GPRC5D: variants seen among roughly 807,000 people sequenced by gnomAD.
GPRC5D encodes G protein-coupled receptor class C group 5 member D.
In GPRC5D, 20 loss-of-function variants were observed where a neutral mutation model predicts 29.3. The observed-to-expected ratio is 0.68, with a 90% CI of 0.48 to 0.99. The LOEUF (loss-of-function observed/expected upper bound fraction) is 0.99, where lower values mean the gene tolerates loss of function less well. Ranked by LOEUF, GPRC5D falls within the 50% of genes least tolerant of loss-of-function variation. The pLI, the probability that GPRC5D is intolerant of heterozygous loss-of-function variation, is 0.00. For missense variants in GPRC5D, 384 were observed against 423.6 expected (o/e 0.91, Z 0.82); for synonymous variants, 178 against 171.3 (o/e 1.04, Z -0.30).
At chr12:12,950,240 G>C (rs763009543) in exon 1 of GPRC5D, 3 of 1,613,890 alleles carry the variant, frequency 1.9e-6, no homozygotes, top group African/African-American at 1.3e-5. Flanking sequence ...TGGATCTTTC[G>C]CATGAGGAAG....
At chr12:12,940,700 G>T, downstream of GPRC5D, 2 of 823,344 alleles carry the variant, frequency 2.4e-6, no homozygotes, top group South Asian at 1.4e-5. Flanking sequence ...TGACTCTGTG[G>T]GCCCCCGTGG....
rs1382373998 is a variant in GPRC5D, at chr12:12,944,864, TC to T, written c.896-2537del. ...TTCCTTCCTTCCTTCTTTCTTTCTT[TC>T]TTTCTTTCTTTCTTTCTTTCTTTCT... is the stretch of plus-strand genomic sequence containing the variant. On this transcript the variant is annotated intron_variant, in intron 1 of 2. Transcript: ENST00000228887. Among the ~76,000 whole-genome samples, 3 of 103,888 alleles carry T rather than the reference TC, an allele frequency of 2.9e-5. 1 individual carries two copies. The highest frequency in any genetic ancestry group is 4.1e-5 in the Non-Finnish European group (2 of 48,718). 68.2% of individuals were successfully genotyped at this position (103,888 alleles called of 152,430 possible). A position where few individuals can be genotyped will look rare whatever the true frequency, so the allele number is the denominator to read the frequency against.
At position 12,950,010 on chromosome 12, in the gene GPRC5D, G is replaced by C. The variant is rs577935641; in HGVS notation, c.375C>G (p.Ser125=). ...TAGCAATGCACAGAATTGTCGTCCA[G>C]GAGAAGGAGACACAACCCCGAACCA... Residue 125 remains serine, a synonymous_variant, in exon 1 of 3, where the codon TCC becomes TCG. Transcript: ENST00000228887. The C allele has an allele frequency of 8.1e-6, 13 of 1,614,184 alleles. No individual in the cohort carries two copies. The African/African-American group carries it at 1.6e-4, about 20-fold the overall frequency.
At chr12:12,946,267 TCTTCCTTCCTTCCTTCCTTCCTTTCTTC>T (rs1325250860) in intron 1 of GPRC5D, among the ~76,000 whole-genome samples, 42 of 93,848 alleles carry the variant, frequency 4.5e-4, no homozygotes, top group African/African-American at 1.7e-3. Flanking sequence ...TTCTTTCCTT[TCTTCCTTCCTTCCTTCCTTCCTTTCTTC>T]CTTCCTTCCT....
chr12:12,950,414 A>G (rs1213398117), upstream of GPRC5D: 1 of 1,498,094 alleles, frequency 6.7e-7, no homozygotes, highest in Admixed American at 2.0e-5. Context: ...CCTCACCAGA[A>G]TGGTTTTCTG....
intron 1 of GPRC5D, among the ~76,000 whole-genome samples, chr12:12,944,881 CTT>C (rs1277699214): frequency 8.0e-6 from 1 of 125,532 alleles, no homozygotes; most frequent in Non-Finnish European, 1.7e-5. Context: ...TTCTTTCTTT[CTT>C]TCTTTCTTTC....
chr12:12,949,661 C>G, exon 1 of GPRC5D: 1 of 1,614,154 alleles, frequency 6.2e-7, no homozygotes. Context: ...GCAATGCAGA[C>G]GACCGGGTCG....
rs1314149256 is a variant in GPRC5D at position 12,944,925 on chromosome 12, C to CT, written c.896-2598dup. ...TCTTTCTCTCCCTTTCTTTCCCTTT[C>CT]TTCCTTTTCTTCCCTTTCTTTCCTT... On this transcript the variant is annotated intron_variant, in intron 1 of 2. Coordinates refer to ENST00000228887, the Ensembl canonical transcript of GPRC5D. 1.1e-3 allele frequency among the ~76,000 whole-genome samples: 89 copies of CT among 79,798 alleles called. 6 individuals carry two copies. The highest frequency in any genetic ancestry group is 3.7e-3 in the South Asian group (6 of 1,600). 52.4% of individuals were successfully genotyped at this position (79,798 alleles called of 152,430 possible).
intron 2 of GPRC5D, 74 bp from the exon 4 acceptor site, chr12:12,940,923 GT>G: frequency 1.9e-6 from 2 of 1,047,556 alleles, no homozygotes; most frequent in Non-Finnish European, 1.5e-6. Context: ...TTATGTTTTT[GT>G]TTTTTGAGAC....
chr12:12,940,833 T>A lies in GPRC5D; in HGVS notation c.980A>T (p.Gln327Leu), dbSNP rs759133064. The change falls in exon 3 of 3, where the codon CAA becomes CTA. Residue 327 changes from glutamine (Q) to leucine (L), a missense_variant. Physicochemically the swap from Gln to Leu is moderately radical, Grantham distance 113 (BLOSUM62 -2). Coordinates refer to ENST00000228887, the Ensembl canonical transcript of GPRC5D. The stretch of plus-strand genomic sequence containing the variant: ...TTTAGCCTGTGGGATGAAACACTCT[T>A]GTGTGGGATCAACAGTCTGGAAAGG... The A allele has an allele frequency of 3.1e-6, 5 of 1,601,630 alleles. No homozygotes were observed. The Admixed American group carries it at 8.3e-5, about 27-fold the overall frequency.
Position 12,940,863 on chromosome 12 carries a change from A to G in GPRC5D, c.964-14T>C. The G allele has an allele frequency of 6.5e-7, 1 of 1,533,460 alleles. No homozygotes were observed. The highest frequency in any genetic ancestry group is 1.1e-5 in the South Asian group (1 of 89,454). 95.0% of individuals were successfully genotyped at this position (1,533,460 alleles called of 1,614,324 possible). A position where few individuals can be genotyped will look rare whatever the true frequency, so the allele number is the denominator to read the frequency against. On this transcript the variant is annotated splice_polypyrimidine_tract_variant and intron_variant, in intron 2 of 2. Transcript: ENST00000228887. The stretch of plus-strand genomic sequence containing the variant: ...GGGATCAACAGTCTGGAAAGGAAGA[A>G]ATGCCATCATCAACTTTCTGAGCAA...
chr12:12,948,476 A>G (rs1423984180), intron 1 of GPRC5D: 3 of 154,400 alleles, frequency 1.9e-5, no homozygotes, highest in African/African-American at 7.2e-5. Context: ...CTTAAAAGGA[A>G]GCTTATGTGA....
chr12:12,943,121 A>G (rs1314259559), intron 1 of GPRC5D, among the ~76,000 whole-genome samples: 4 of 152,212 alleles, frequency 2.6e-5, no homozygotes, highest in African/African-American at 9.6e-5. Context: ...AAAATTGGGC[A>G]TAATAAAAGA....
intron 1 of GPRC5D, among the ~76,000 whole-genome samples, chr12:12,944,850 C>CTTCCTTCCTTCCTTCTTTCT (rs1565477444): frequency 5.8e-5 from 2 of 34,472 alleles, no homozygotes; most frequent in Admixed American, 3.8e-4. Flanking sequence ...TCCTTCCTTC[C>CTTCCTTCCTTCCTTCTTTCT]TTCTTTCTTT....
chr12:12,944,298 CCTTGA>C (rs1377104432), intron 1 of GPRC5D: 1 of 152,192 alleles, frequency 6.6e-6, no homozygotes, highest in Non-Finnish European at 1.5e-5. Flanking sequence ...ATGACACCAT[CCTTGA>C]CTTATCTGTC....
At chr12:12,941,869 T>A (rs904032571) in intron 2 of GPRC5D, among the ~76,000 whole-genome samples, 1 of 152,146 alleles carries the variant, frequency 6.6e-6, no homozygotes, top group African/African-American at 2.4e-5. Flanking sequence ...GCTCAGGTGA[T>A]AGGTTCAGAC....
rs768574348 is a variant in GPRC5D at position 12,942,318 on chromosome 12, A to G, written c.906T>C (p.Ser302=). The change falls in exon 2 of 3, where the codon AGT becomes AGC. Residue 302 remains serine, a synonymous_variant. Transcript: ENST00000228887. ...ATGCTACATCCTCCTCAGCTCCATCACTGTCTCGGGCTGAAAGCCAAAGGA... is the reference window on the plus strand; with the variant it reads ...ATGCTACATCCTCCTCAGCTCCATCGCTGTCTCGGGCTGAAAGCCAAAGGA... The G allele has an allele frequency of 2.9e-5, 46 of 1,611,896 alleles. No homozygotes were observed. The East Asian group carries it at 9.4e-4, about 33-fold the overall frequency.
chr12:12,944,830 C>CT (rs1207377523), intron 1 of GPRC5D, among the ~76,000 whole-genome samples: 231 of 20,266 alleles, frequency 0.011, 43 homozygotes, highest in South Asian at 0.041. Context: ...TCCTTCCTTC[C>CT]TTCCTTCCTT....
chr12:12,946,333 CTT>C (rs1863332242), intron 1 of GPRC5D, among the ~76,000 whole-genome samples: 1 of 148,828 alleles, frequency 6.7e-6, no homozygotes, highest in African/African-American at 2.5e-5. Flanking sequence ...TTCTTTCTTT[CTT>C]TCTTTCTTTC....
Sources: allele counts gnomAD v4.1 joint callset (sites outside exome capture counted in the v4.1 genomes callset), GRCh38; gene constraint gnomAD v4.1.1; transcripts MANE v1.5; gene names NCBI Gene and HGNC (gene_info 2026-07-23, HGNC 2026-07-21).